The following TLN2 variants were observed in gnomAD, a reference collection of about 807,000 sequenced individuals.
TLN2 encodes the protein talin-2.
In TLN2, 118 loss-of-function variants were observed where a neutral mutation model predicts 294.7. That is an observed-to-expected ratio of 0.40 (90% CI 0.34 to 0.47). The LOEUF (loss-of-function observed/expected upper bound fraction) is 0.47, where lower values mean the gene tolerates loss of function less well. TLN2 is among the 20% of genes least tolerant of loss of function. The probability of loss-of-function intolerance (pLI) is 0.84; values close to 1 mark genes in which losing one functional copy is unlikely to be tolerated. For missense variants in TLN2, 3,083 were observed against 3,282.2 expected (o/e 0.94, Z 1.48); for synonymous variants, 1,431 against 1,304.5 (o/e 1.10, Z -2.09).
At chr15:62,732,109 G>T (rs1469040826) in intron 28 of TLN2, among the ~76,000 whole-genome samples, 6 of 152,122 alleles carry the variant, frequency 3.9e-5, no homozygotes, top group Admixed American at 3.3e-4. Flanking sequence ...AGGAGGAAAG[G>T]TATGATAAAA....
chr15:62,622,711 CTTA>C (rs1175124281), intron 3 of TLN2, among the ~76,000 whole-genome samples: 1 of 151,842 alleles, frequency 6.6e-6, no homozygotes, highest in Non-Finnish European at 1.5e-5. Flanking sequence ...TTGCCTTATT[CTTA>C]TTATTTAATA....
At chr15:62,777,208 G>A (rs1459348673) in intron 43 of TLN2, among the ~76,000 whole-genome samples, 2 of 149,394 alleles carry the variant, frequency 1.3e-5, no homozygotes, top group African/African-American at 4.9e-5. Context: ...CATAGGGTTT[G>A]TTGTGGGGGA....
intron 1 of TLN2, among the ~76,000 whole-genome samples, chr15:62,498,845 A>G (rs2039153939): frequency 6.6e-6 from 1 of 152,182 alleles, no homozygotes; most frequent in Non-Finnish European, 1.5e-5. Flanking sequence ...TATTAAAAGG[A>G]ATTTGGCGAA....
intron 45 of TLN2, among the ~76,000 whole-genome samples, chr15:62,786,655 G>A (rs377231283): frequency 7.3e-5 from 11 of 149,782 alleles, no homozygotes; most frequent in South Asian, 6.5e-4. Flanking sequence ...AAAAGCTGGC[G>A]CAATCATTTG....
chr15:62,840,788 T>C lies in TLN2; in HGVS notation c.*178T>C. 1.2e-6 allele frequency: 1 copy of C among 827,136 alleles called. No individual in the cohort carries two copies. The highest frequency in any genetic ancestry group is 1.8e-6 in the Non-Finnish European group (1 of 548,000). 51.2% of individuals were successfully genotyped at this position (827,136 alleles called of 1,614,324 possible). A position where few individuals can be genotyped will look rare whatever the true frequency, so the allele number is the denominator to read the frequency against. ...GTCGGCACTGGCTGCATGATCGTGA[T>C]GTCACACGGTACAATGTCCTACCCA... On this transcript the variant is annotated 3_prime_UTR_variant, in exon 59 of 59. Coordinates refer to ENST00000636159, the MANE Select transcript of TLN2 (RefSeq NM_015059.3).
chr15:62,590,367 T>A (rs1567153916), intron 2 of TLN2, among the ~76,000 whole-genome samples: 1 of 152,152 alleles, frequency 6.6e-6, no homozygotes. Flanking sequence ...CCCCATTGTT[T>A]CCGTGTGTTC....
chr15:62,690,492 G>C (rs1189762170), intron 12 of TLN2: 1 of 164,574 alleles, frequency 6.1e-6, no homozygotes, highest in African/African-American at 2.6e-5. Flanking sequence ...TTCTAGATGG[G>C]ATGGCGGCCG....
rs757287982 is a variant in TLN2 at position 62,653,295 on chromosome 15, G to A, written c.498G>A (p.Lys166=). The change falls in exon 7 of 59, where the codon AAG becomes AAA. Residue 166 remains lysine (K), a synonymous_variant. Coordinates refer to ENST00000636159, the MANE Select transcript of TLN2 (RefSeq NM_015059.3). ...GGAAAATGGAGAAGTTGAAGGCCAA[G>A]CTGCACACAGATGATGACCGTAAGT... The part of the protein sequence containing the change: ...DERKMEKLKA[K]LHTDDDLNWL... 4 of 1,613,404 alleles carry A rather than the reference G, an allele frequency of 2.5e-6. No homozygotes were observed. In the East Asian group the frequency reaches 8.9e-5, roughly 36 times the overall value.
chr15:62,628,861 C>G (rs1189236999), intron 3 of TLN2, among the ~76,000 whole-genome samples: 3 of 152,150 alleles, frequency 2.0e-5, no homozygotes, highest in Non-Finnish European at 4.4e-5. Flanking sequence ...CAGCATAATT[C>G]CCAGTTTTCT....
intron 1 of TLN2, among the ~76,000 whole-genome samples, chr15:62,391,630 C>T (rs1465245648): frequency 6.9e-6 from 1 of 144,908 alleles, no homozygotes; most frequent in Non-Finnish European, 1.5e-5. Context: ...CGGTTGTCGC[C>T]GGGAAAGTTT....
At chr15:62,741,611 G>A (rs1595850904) in intron 32 of TLN2, among the ~76,000 whole-genome samples, 1 of 152,202 alleles carries the variant, frequency 6.6e-6, no homozygotes, top group Admixed American at 6.5e-5. Flanking sequence ...GCTGACAGTG[G>A]AGAGAGATTA....
At position 62,675,365 on chromosome 15, in the gene TLN2, T is replaced by G. The variant is rs140308932; in HGVS notation, c.957+44T>G. 515 of 1,593,176 alleles carry G rather than the reference T, an allele frequency of 3.2e-4. 4 individuals carry two copies. In the East Asian group the frequency reaches 0.011, roughly 34 times the overall value. ...GGAGAGTGTTCACCTTGGCCCCTTC[T>G]TTTTTCTTTTGTTCAAGCGTTTGCT... On this transcript the variant is annotated intron_variant, in intron 11 of 58. Coordinates refer to ENST00000636159, the MANE Select transcript of TLN2 (RefSeq NM_015059.3).
Position 62,840,740 on chromosome 15 carries a change from G to T in TLN2, c.*130G>T. The T allele has an allele frequency of 7.6e-7, 1 of 1,315,966 alleles. No individual in the cohort carries two copies. The highest frequency in any genetic ancestry group is 1.0e-6 in the Non-Finnish European group (1 of 979,180). 81.5% of individuals were successfully genotyped at this position (1,315,966 alleles called of 1,614,324 possible). On this transcript the variant is annotated 3_prime_UTR_variant, in exon 59 of 59. Transcript: ENST00000636159. ...CCCGGGTGAGCCTGGAGCCCTGCGT[G>T]CTTGTTCTCACATCTCTGTCCCGTC...
chr15:62,591,496 A>G (rs1481073617), intron 2 of TLN2, among the ~76,000 whole-genome samples: 1 of 152,186 alleles, frequency 6.6e-6, no homozygotes, highest in African/African-American at 2.4e-5. Context: ...TCTATTGGGA[A>G]CCTTGAGTAA....
intron 45 of TLN2, among the ~76,000 whole-genome samples, chr15:62,787,890 C>G (rs1349221098): frequency 6.7e-6 from 1 of 150,368 alleles, no homozygotes; most frequent in Non-Finnish European, 1.5e-5. Context: ...CGGGGTTTTG[C>G]TACATTGTCC....
intron 11 of TLN2, among the ~76,000 whole-genome samples, chr15:62,679,686 T>C (rs908740982): frequency 6.6e-6 from 1 of 152,178 alleles, no homozygotes; most frequent in African/African-American, 2.4e-5. Flanking sequence ...TAGAACTGAC[T>C]GTGGTTTTAA....
At chr15:62,396,769 A>C (rs1386352803) in intron 1 of TLN2, among the ~76,000 whole-genome samples, 1 of 151,484 alleles carries the variant, frequency 6.6e-6, no homozygotes, top group East Asian at 1.9e-4. Context: ...CAGTGGCATG[A>C]TCTTGGCTCA....
intron 1 of TLN2, among the ~76,000 whole-genome samples, chr15:62,466,951 A>G (rs17205771): frequency 0.026 from 4,032 of 152,356 alleles, 52 homozygotes; most frequent in Non-Finnish European, 0.031. Flanking sequence ...CCAAAAGCCA[A>G]TGAGATTTCA....
intron 17 of TLN2, 102 bp from the exon 18 acceptor site, chr15:62,701,889 CT>C: frequency 7.5e-7 from 1 of 1,325,202 alleles, no homozygotes; most frequent in Non-Finnish European, 1.0e-6. Context: ...TGTCTGACTC[CT>C]GCAGGATGGT....
Sources: gnomAD v4.1 joint callset for allele counts (sites outside exome capture counted in the v4.1 genomes callset) on GRCh38, gnomAD v4.1.1 for gene constraint, MANE v1.5 for transcripts, NCBI Gene and HGNC (gene_info 2026-07-23, HGNC 2026-07-21) for gene names.